Variants in NBAS observed in about 807,000 individuals in gnomAD.
NBAS encodes NBAS subunit of NRZ tethering complex, also known as NAG/BC035112 fusion.
Under a neutral mutation model 302.5 loss-of-function variants are expected in NBAS, and 219 were observed. The observed-to-expected ratio is 0.72, with a 90% CI of 0.65 to 0.81. NBAS has a LOEUF of 0.81. Ranked by LOEUF, NBAS falls within the 30% of genes least tolerant of loss-of-function variation. The probability of loss-of-function intolerance (pLI) is 0.00; values close to 1 mark genes in which losing one functional copy is unlikely to be tolerated. For missense variants in NBAS, 2,932 were observed against 2,841.6 expected, an observed-to-expected ratio of 1.03 and a Z score of -0.72; for synonymous variants, 1,118 against 1,021.6, an observed-to-expected ratio of 1.09 and a Z score of -1.80.
chr2:14,865,809 G>GTTA, the NBAS span, among the ~76,000 whole-genome samples: 592 of 130,582 alleles, frequency 4.5e-3, 2 homozygotes, highest in Middle Eastern at 0.026. Flanking sequence ...ATCTGTTATT[G>GTTA]TTATTATTAT....
At chr2:15,240,339 A>T (rs1224057806) in intron 44 of NBAS, among the ~76,000 whole-genome samples, 1 of 151,202 alleles carries the variant, frequency 6.6e-6, no homozygotes, top group Non-Finnish European at 1.5e-5. Context: ...TGCTGACAGG[A>T]CGCCTGTCAT....
chr2:15,146,619 C>A, the NBAS span, among the ~76,000 whole-genome samples: 2 of 152,188 alleles, frequency 1.3e-5, no homozygotes, highest in Admixed American at 1.3e-4. Context: ...GCCCGAAGAA[C>A]GTCCCAGGCA....
At chr2:15,428,770 G>A (rs1032780447) in intron 21 of NBAS, among the ~76,000 whole-genome samples, 8 of 152,074 alleles carry the variant, frequency 5.3e-5, no homozygotes, top group Admixed American at 1.3e-4. Flanking sequence ...AAGGCCAGGC[G>A]CGGTGGCTCA....
the NBAS span, among the ~76,000 whole-genome samples, chr2:14,852,691 C>T: frequency 1.3e-5 from 2 of 148,210 alleles, no homozygotes; most frequent in Non-Finnish European, 3.0e-5. Flanking sequence ...GCTACAGTAA[C>T]CAAAACAGCA....
At chr2:14,926,329 C>T in the NBAS span, among the ~76,000 whole-genome samples, 2 of 152,238 alleles carry the variant, frequency 1.3e-5, no homozygotes, top group Non-Finnish European at 2.9e-5. Context: ...TAGAGCAGTA[C>T]TTTGCAAGAG....
intron 51 of NBAS, among the ~76,000 whole-genome samples, chr2:15,168,039 T>C (rs573626636): frequency 1.9e-4 from 29 of 152,312 alleles, no homozygotes; most frequent in African/African-American, 7.0e-4. Context: ...GTTTGCGTAT[T>C]CTCTTTCTCC....
intron 9 of NBAS, among the ~76,000 whole-genome samples, chr2:15,529,980 T>TA (rs1369109294): frequency 6.6e-6 from 1 of 152,224 alleles, no homozygotes; most frequent in Non-Finnish European, 1.5e-5. Context: ...TAAAGACCTC[T>TA]AACTTCACAT....
the NBAS span, among the ~76,000 whole-genome samples, chr2:14,882,479 T>A: frequency 6.6e-6 from 1 of 152,160 alleles, no homozygotes; most frequent in African/African-American, 2.4e-5. Context: ...TGCCTCCTTT[T>A]CTAGGGTTCC....
the NBAS span, among the ~76,000 whole-genome samples, chr2:15,050,048 A>G: frequency 6.6e-6 from 1 of 152,196 alleles, no homozygotes; most frequent in Non-Finnish European, 1.5e-5. Flanking sequence ...ATGTGGCCTC[A>G]GACAAATTCC....
At chr2:14,815,793 A>C in the NBAS span, among the ~76,000 whole-genome samples, 1 of 152,164 alleles carries the variant, frequency 6.6e-6, no homozygotes, top group Non-Finnish European at 1.5e-5. Context: ...AATTCCTCAC[A>C]CACACCATCC....
At chr2:15,207,591 T>A (rs892200285) in intron 48 of NBAS, among the ~76,000 whole-genome samples, 3 of 152,192 alleles carry the variant, frequency 2.0e-5, no homozygotes, top group African/African-American at 4.8e-5. Flanking sequence ...GTAATCCCCA[T>A]GTGTTGGAAG....
chr2:15,381,323 T>C (rs977166200), intron 29 of NBAS, among the ~76,000 whole-genome samples: 10 of 152,124 alleles, frequency 6.6e-5, no homozygotes, highest in Non-Finnish European at 1.2e-4. Context: ...TAAGACAACA[T>C]AGTATATTTT....
the NBAS span, among the ~76,000 whole-genome samples, chr2:15,144,513 T>C: frequency 3.9e-5 from 6 of 152,216 alleles, no homozygotes; most frequent in Admixed American, 3.3e-4. Flanking sequence ...TGAGGCACTT[T>C]TTAGGTCCTT....
intron 31 of NBAS, among the ~76,000 whole-genome samples, chr2:15,374,361 C>T (rs1015153031): frequency 4.6e-5 from 7 of 151,846 alleles, no homozygotes; most frequent in Non-Finnish European, 5.9e-5. Flanking sequence ...GCTCTGTTAC[C>T]GATGTTATTT....
chr2:15,354,486 A>T (rs1352177430), intron 33 of NBAS, among the ~76,000 whole-genome samples: 1 of 152,224 alleles, frequency 6.6e-6, no homozygotes, highest in Non-Finnish European at 1.5e-5. Context: ...GAATAAAATC[A>T]TTATAAAGCT....
chr2:14,984,075 AC>A, the NBAS span, among the ~76,000 whole-genome samples: 1 of 152,318 alleles, frequency 6.6e-6, no homozygotes, highest in East Asian at 1.9e-4. Context: ...ACAATATATA[AC>A]CAATGAAGAA....
chr2:14,936,310 T>C, the NBAS span, among the ~76,000 whole-genome samples: 1 of 152,194 alleles, frequency 6.6e-6, no homozygotes, highest in Admixed American at 6.5e-5. Context: ...AAAATCTAAT[T>C]TATTCTTATA....
At chr2:15,090,619 T>A in the NBAS span, among the ~76,000 whole-genome samples, 1 of 152,196 alleles carries the variant, frequency 6.6e-6, no homozygotes, top group Non-Finnish European at 1.5e-5. Flanking sequence ...CCTGATCTTG[T>A]TACCTTTCCA....
intron 31 of NBAS, among the ~76,000 whole-genome samples, chr2:15,373,601 G>T (rs1450522783): frequency 1.3e-5 from 2 of 152,156 alleles, no homozygotes; most frequent in Non-Finnish European, 2.9e-5. Flanking sequence ...AAAATGCTGG[G>T]ACTACAGGTG....
Sources: gnomAD v4.1 joint callset for allele counts (sites outside exome capture counted in the v4.1 genomes callset) on GRCh38, gnomAD v4.1.1 for gene constraint, MANE v1.5 for transcripts, NCBI Gene and HGNC (gene_info 2026-07-23, HGNC 2026-07-21) for gene names.